The following GALNTL6 variants were observed in gnomAD, a reference collection of about 807,000 sequenced individuals.
The protein encoded by GALNTL6 is polypeptide N-acetylgalactosaminyltransferase-like 6.
A neutral mutation model predicts 73.7 loss-of-function variants in GALNTL6; 46 were observed. That is an observed-to-expected ratio of 0.62 (90% CI 0.49 to 0.80). The LOEUF (loss-of-function observed/expected upper bound fraction) is 0.80, where lower values mean the gene tolerates loss of function less well. Ranked by LOEUF, GALNTL6 falls within the 30% of genes least tolerant of loss-of-function variation. The probability of loss-of-function intolerance (pLI) is 0.00; values close to 1 mark genes in which losing one functional copy is unlikely to be tolerated. For missense variants in GALNTL6, 604 were observed against 755.0 expected, an observed-to-expected ratio of 0.80 and a Z score of 2.34; for synonymous variants, 259 against 263.7, an observed-to-expected ratio of 0.98 and a Z score of 0.17.
intron 7 of GALNTL6, among the ~76,000 whole-genome samples, chr4:172,840,279 T>C (rs1743138812): frequency 6.6e-6 from 1 of 152,212 alleles, no homozygotes; most frequent in Non-Finnish European, 1.5e-5. Flanking sequence ...GGTCATCATA[T>C]AGAAAGTCTG....
chr4:172,635,740 A>G (rs1248338627), intron 5 of GALNTL6, among the ~76,000 whole-genome samples: 1 of 152,116 alleles, frequency 6.6e-6, no homozygotes, highest in Non-Finnish European at 1.5e-5. Context: ...GTTTGGCACA[A>G]TTATTTTTCT....
chr4:171,882,865 G>T (rs1406438365), intron 2 of GALNTL6, among the ~76,000 whole-genome samples: 1 of 152,210 alleles, frequency 6.6e-6, no homozygotes, highest in Non-Finnish European at 1.5e-5. Flanking sequence ...GTTTCGGGTA[G>T]TTAGTCCGTT....
chr4:172,286,507 T>C (rs1307826450), intron 3 of GALNTL6, among the ~76,000 whole-genome samples: 2 of 152,138 alleles, frequency 1.3e-5, no homozygotes, highest in East Asian at 1.9e-4. Context: ...TTCCCAAGAA[T>C]TAAAAGAAGT....
At chr4:172,484,208 C>T (rs867539652) in intron 5 of GALNTL6, among the ~76,000 whole-genome samples, 3 of 152,050 alleles carry the variant, frequency 2.0e-5, no homozygotes, top group Admixed American at 6.6e-5. Flanking sequence ...AGTCTCGCAC[C>T]AGATTAGAAA....
chr4:172,539,900 T>C (rs935201830), intron 5 of GALNTL6, among the ~76,000 whole-genome samples: 6 of 136,424 alleles, frequency 4.4e-5, no homozygotes, highest in Non-Finnish European at 9.2e-5. Context: ...TATATATATA[T>C]ATATATAAAA....
chr4:172,578,109 A>C (rs537331448), intron 5 of GALNTL6, among the ~76,000 whole-genome samples: 1 of 152,198 alleles, frequency 6.6e-6, no homozygotes, highest in Admixed American at 6.5e-5. Flanking sequence ...GGCAGTACTC[A>C]TGTAAAAAAT....
At chr4:172,880,536 G>T (rs72708720) in intron 7 of GALNTL6, among the ~76,000 whole-genome samples, 78 of 152,132 alleles carry the variant, frequency 5.1e-4, no homozygotes, top group Non-Finnish European at 9.7e-4. Flanking sequence ...GAGACATGAG[G>T]AAACTTTGAC....
rs1286082445 is a variant in GALNTL6 at position 172,305,556 on chromosome 4, CTGAG to C, written c.248-6056_248-6053del. Among the ~76,000 whole-genome samples the C allele has an allele frequency of 4.6e-5, 7 of 152,142 alleles. No homozygotes were observed. The East Asian group carries it at 1.4e-3, about 29-fold the overall frequency. On this transcript the variant is annotated intron_variant, in intron 3 of 12. Coordinates refer to ENST00000506823, the MANE Select transcript of GALNTL6 (RefSeq NM_001034845.3). ...AGAGAAATAATCACTGTTAAATCCT[CTGAG>C]TATTATCATAAATATTCAAACATAC...
chr4:172,991,365 C>T (rs905868713), intron 10 of GALNTL6, among the ~76,000 whole-genome samples: 8 of 151,808 alleles, frequency 5.3e-5, no homozygotes, highest in African/African-American at 1.9e-4. Context: ...TTTGTATTCA[C>T]GTATGATTTA....
chr4:172,104,909 C>A (rs1005187518), intron 2 of GALNTL6, among the ~76,000 whole-genome samples: 3 of 152,100 alleles, frequency 2.0e-5, no homozygotes, highest in Non-Finnish European at 2.9e-5. Context: ...CTGGGAATAC[C>A]TCCACAACTG....
chr4:172,586,999 T>G (rs903639698), intron 5 of GALNTL6, among the ~76,000 whole-genome samples: 3 of 152,310 alleles, frequency 2.0e-5, no homozygotes, highest in African/African-American at 7.2e-5. Context: ...ATGTATTGAT[T>G]TTGATACGCT....
intron 7 of GALNTL6, among the ~76,000 whole-genome samples, chr4:172,818,079 T>G (rs1313471054): frequency 6.6e-6 from 1 of 152,198 alleles, no homozygotes; most frequent in African/African-American, 2.4e-5. Context: ...TAGAATCTTG[T>G]AAAAGTTCAC....
At chr4:171,981,961 T>A (rs1197201501) in intron 2 of GALNTL6, among the ~76,000 whole-genome samples, 7 of 152,014 alleles carry the variant, frequency 4.6e-5, no homozygotes, top group Non-Finnish European at 8.8e-5. Context: ...TAACTATATT[T>A]CAGAAGTCAA....
chr4:172,852,991 G>C (rs1579567407), intron 7 of GALNTL6, among the ~76,000 whole-genome samples: 1 of 152,182 alleles, frequency 6.6e-6, no homozygotes, highest in South Asian at 2.1e-4. Context: ...AGCTGGACCT[G>C]TCAGTTACCC....
chr4:172,725,805 G>A (rs111932410), intron 5 of GALNTL6, among the ~76,000 whole-genome samples: 1,968 of 152,234 alleles, frequency 0.013, 21 homozygotes, highest in Non-Finnish European at 0.022. Flanking sequence ...GATGTGCCAC[G>A]TAATGTTCTA....
chr4:172,754,237 C>CAT (rs1560928927), intron 5 of GALNTL6, among the ~76,000 whole-genome samples: 1 of 152,038 alleles, frequency 6.6e-6, no homozygotes, highest in African/African-American at 2.4e-5. Context: ...GTAGTATACA[C>CAT]ACATACATAC....
In GALNTL6 at chr4:172,629,909, A is replaced by G. The variant is rs544795965; in HGVS notation, c.554-179452A>G. Among the ~76,000 whole-genome samples the G allele has an allele frequency of 3.3e-5, 5 of 152,344 alleles. No individual in the cohort carries two copies. The Middle Eastern group carries it at 0.017, about 518-fold the overall frequency. On this transcript the variant is annotated intron_variant, in intron 5 of 12. Transcript: ENST00000506823. ...AATCTGCTTGTCACATTAAGAGATC[A>G]TTTAAAATTATTCCCTCAGGGATTA... is the stretch of plus-strand genomic sequence containing the variant.
At chr4:171,833,348 C>T (rs1171631784) in intron 2 of GALNTL6, among the ~76,000 whole-genome samples, 1 of 151,430 alleles carries the variant, frequency 6.6e-6, no homozygotes. Context: ...ATATCTTATT[C>T]CAATTTTAAT....
intron 2 of GALNTL6, among the ~76,000 whole-genome samples, chr4:172,178,595 G>A (rs1342159975): frequency 4.0e-5 from 6 of 151,560 alleles, no homozygotes; most frequent in Non-Finnish European, 7.4e-5. Context: ...CAAAGGACAT[G>A]AACTCATCCT....
Sources: allele counts gnomAD v4.1 joint callset (sites outside exome capture counted in the v4.1 genomes callset), GRCh38; gene constraint gnomAD v4.1.1; transcripts MANE v1.5; gene names NCBI Gene and HGNC (gene_info 2026-07-23, HGNC 2026-07-21).